Variants in NSMAF observed in about 807,000 individuals in gnomAD.
The protein encoded by NSMAF is protein FAN.
In NSMAF, 90 loss-of-function variants were observed where a neutral mutation model predicts 134.9. That is an observed-to-expected ratio of 0.67 (90% confidence interval 0.56 to 0.79). NSMAF has a LOEUF of 0.79. Ranked by LOEUF, NSMAF falls within the 30% of genes least tolerant of loss-of-function variation. The pLI, the probability that NSMAF is intolerant of heterozygous loss-of-function variation, is 0.00. For missense variants in NSMAF, 1,010 were observed against 1,119.0 expected (o/e 0.90, Z 1.39); for synonymous variants, 358 against 389.6 (o/e 0.92, Z 0.96).
At position 58,634,977 on chromosome 8, in the gene NSMAF, C is replaced by A. The variant is rs183477539; in HGVS notation, c.333+212G>T. 2.6e-5 allele frequency among the ~76,000 whole-genome samples: 4 copies of A among 152,148 alleles called. No homozygotes were observed. In the South Asian group the frequency reaches 8.3e-4, roughly 32 times the overall value. On this transcript the variant is annotated intron_variant, in intron 5 of 30. Coordinates refer to ENST00000038176, the MANE Select transcript of NSMAF (RefSeq NM_003580.4). ...ATCGTGAGAGCTCCAAGGACAAAAC[C>A]GCAAGCCCACAGATATCACACACTT...
At chr8:58,658,515 C>T (rs1390667316) in intron 1 of NSMAF, among the ~76,000 whole-genome samples, 1 of 152,182 alleles carries the variant, frequency 6.6e-6, no homozygotes, top group Non-Finnish European at 1.5e-5. Flanking sequence ...CCTTATAAAA[C>T]AAGTGTAGAC....
chr8:58,600,131 G>T, intron 16 of NSMAF, 110 bp from the exon 17 acceptor site: 1 of 770,634 alleles, frequency 1.3e-6, no homozygotes, highest in Non-Finnish European at 2.2e-6. Flanking sequence ...ACTTCTGTTT[G>T]TCATTTCCAC....
In NSMAF at chr8:58,659,553, T is replaced by C; in HGVS notation, c.59+20A>G. On this transcript the variant is annotated intron_variant, in intron 1 of 30. Transcript: ENST00000038176. The stretch of plus-strand genomic sequence containing the variant: ...CCCGACTAGGCCCCCGGCTGGGCCC[T>C]TCTTCAGCTGGGCGCGCACCTCTCC... 2.0e-6 allele frequency: 3 copies of C among 1,525,560 alleles called. No homozygotes were observed. Among genetic ancestry groups the C allele is most frequent in the Non-Finnish European group, 2.6e-6 (3 of 1,137,246 alleles). The allele number at this position is 1,525,560 out of a possible 1,614,324, so 94.5% of individuals were successfully genotyped here.
rs1442641674 is a variant in NSMAF, at chr8:58,597,438, T to G, written c.1741A>C (p.Lys581Gln). Residue 581 changes from lysine to glutamine, a missense_variant, in exon 21 of 31, where the codon AAA becomes CAA. Coordinates refer to ENST00000038176, the MANE Select transcript of NSMAF (RefSeq NM_003580.4). ...PHPRRITPKF[K>Q]SLSQTSSYNA... is the part of the protein sequence containing the mutation. ...TAACTGGAGGTCTGGGACAAACTTT[T>G]AAACTTTGGGGTGATCCTTCGAGGA... 6.2e-7 allele frequency: 1 copy of G among 1,614,156 alleles called. No homozygotes were observed. The highest frequency in any genetic ancestry group is 1.7e-5 in the Admixed American group (1 of 60,026).
chr8:58,606,214 GTATA>G (rs146075702), intron 11 of NSMAF, among the ~76,000 whole-genome samples, 179 bp from the exon 12 acceptor site: 4 of 150,556 alleles, frequency 2.7e-5, no homozygotes, highest in Non-Finnish European at 4.4e-5. Flanking sequence ...ATACGTTTGC[GTATA>G]TATATATATG....
intron 2 of NSMAF, among the ~76,000 whole-genome samples, chr8:58,637,671 C>T (rs1297839317): frequency 1.3e-5 from 2 of 152,032 alleles, no homozygotes; most frequent in African/African-American, 4.8e-5. Flanking sequence ...AATCAATATA[C>T]AAAAAACAGC....
chr8:58,595,296 C>T (rs1488708762), intron 22 of NSMAF, among the ~76,000 whole-genome samples: 1 of 152,130 alleles, frequency 6.6e-6, no homozygotes, highest in Non-Finnish European at 1.5e-5. Flanking sequence ...CTGCTCTCTG[C>T]CGACCACATC....
At chr8:58,592,000 A>G (rs960426196) in intron 23 of NSMAF, among the ~76,000 whole-genome samples, 2 of 152,218 alleles carry the variant, frequency 1.3e-5, no homozygotes, top group African/African-American at 2.4e-5. Flanking sequence ...ATTTATAAAC[A>G]TGAGCCTCAA....
chr8:58,625,959 T>C (rs1232152971), intron 6 of NSMAF, among the ~76,000 whole-genome samples: 4 of 152,112 alleles, frequency 2.6e-5, no homozygotes, highest in Non-Finnish European at 4.4e-5. Context: ...GGTTTTTGGT[T>C]ACATAAATAA....
intron 26 of NSMAF, 87 bp from the exon 27 acceptor site, chr8:58,587,788 A>T: frequency 9.0e-7 from 1 of 1,105,600 alleles, no homozygotes. Flanking sequence ...TCCTATGCTC[A>T]ATTTCCATTT....
intron 9 of NSMAF, among the ~76,000 whole-genome samples, chr8:58,618,721 G>C (rs779256116): frequency 2.0e-4 from 31 of 152,086 alleles, no homozygotes; most frequent in Non-Finnish European, 4.1e-4. Flanking sequence ...TGCCTTCATT[G>C]TATTAGCGTT....
chr8:58,641,121 G>A (rs1028352594), intron 2 of NSMAF, among the ~76,000 whole-genome samples: 8 of 151,000 alleles, frequency 5.3e-5, no homozygotes, highest in South Asian at 2.1e-4. Flanking sequence ...AGGTTTCACC[G>A]TGTTGGCCAG....
intron 11 of NSMAF, among the ~76,000 whole-genome samples, chr8:58,607,361 C>CT (rs1379636298): frequency 2.0e-5 from 3 of 152,212 alleles, no homozygotes; most frequent in Non-Finnish European, 4.4e-5. Flanking sequence ...TGTGAATATA[C>CT]TAGTTCCACT....
intron 9 of NSMAF, among the ~76,000 whole-genome samples, chr8:58,619,633 C>A (rs1806737324): frequency 1.3e-5 from 2 of 151,976 alleles, no homozygotes. Flanking sequence ...CTATTGCATT[C>A]TATATATCAA....
At chr8:58,647,022 C>A (rs1234689048) in intron 1 of NSMAF, among the ~76,000 whole-genome samples, 1 of 152,200 alleles carries the variant, frequency 6.6e-6, no homozygotes, top group Non-Finnish European at 1.5e-5. Flanking sequence ...AGTAACCTTG[C>A]ATTCCACTCA....
In NSMAF at chr8:58,587,176, C is replaced by T. The variant is rs755283955; in HGVS notation, c.2295+442G>A. On this transcript the variant is annotated intron_variant, in intron 27 of 30. Transcript: ENST00000038176. ...ACAGAGCAAGTGAGAACTGAGCCAA[C>T]AGGCTGCATGTACTTGACCATCCCA... Among the ~76,000 whole-genome samples, 90 of 152,218 alleles carry T rather than the reference C, an allele frequency of 5.9e-4. 2 individuals carry two copies. Among genetic ancestry groups the T allele is most frequent in the Non-Finnish European group, 2.2e-4 (15 of 68,034 alleles).
At chr8:58,593,429 G>C (rs1354032493) in intron 23 of NSMAF, among the ~76,000 whole-genome samples, 1 of 152,210 alleles carries the variant, frequency 6.6e-6, no homozygotes, top group Non-Finnish European at 1.5e-5. Flanking sequence ...ATAGCACTTT[G>C]TCTTAATGAA....
At chr8:58,618,655 A>C (rs1234040459) in intron 9 of NSMAF, among the ~76,000 whole-genome samples, 1 of 152,114 alleles carries the variant, frequency 6.6e-6, no homozygotes, top group Admixed American at 6.5e-5. Context: ...AGCAGGCATG[A>C]CTTAAAGAAA....
At chr8:58,588,873 T>C in intron 26 of NSMAF, 1 of 683,266 alleles carries the variant, frequency 1.5e-6, no homozygotes, top group Non-Finnish European at 2.6e-6. Flanking sequence ...TACATTTCTT[T>C]CTAACTCTGC....
Sources: gnomAD v4.1 joint callset for allele counts (sites outside exome capture counted in the v4.1 genomes callset) on GRCh38, gnomAD v4.1.1 for gene constraint, MANE v1.5 for transcripts, NCBI Gene and HGNC (gene_info 2026-07-23, HGNC 2026-07-21) for gene names.